Variants in ARID5B observed in about 807,000 individuals in gnomAD.
ARID5B encodes AT-rich interaction domain 5B.
ARID5B carries 13 observed loss-of-function variants against 97.2 expected under a neutral mutation model. The observed-to-expected ratio is 0.13, with a 90% CI of 0.09 to 0.21. The LOEUF is 0.21. ARID5B is among the 10% of genes least tolerant of loss of function. The probability of loss-of-function intolerance (pLI) is 1.00; values close to 1 mark genes in which losing one functional copy is unlikely to be tolerated. For synonymous variants in ARID5B, 556 were observed against 570.3 expected (o/e 0.97, Z 0.36); for missense variants, 1,210 against 1,465.3 (o/e 0.83, Z 2.84).
At chr10:62,081,073 G>T (rs1162285472) in intron 8 of ARID5B, among the ~76,000 whole-genome samples, 1 of 152,168 alleles carries the variant, frequency 6.6e-6, no homozygotes, top group Non-Finnish European at 1.5e-5. Context: ...AAAGTGCTGG[G>T]ATTACAGGCG....
chr10:62,058,196 A>G (rs1460108333), intron 6 of ARID5B, among the ~76,000 whole-genome samples: 2 of 152,234 alleles, frequency 1.3e-5, no homozygotes, highest in African/African-American at 4.8e-5. Context: ...GAATGATTAC[A>G]ATGTTTGTCT....
At chr10:62,076,456 C>G (rs1183683746) in intron 8 of ARID5B, among the ~76,000 whole-genome samples, 1 of 150,100 alleles carries the variant, frequency 6.7e-6, no homozygotes, top group East Asian at 2.0e-4. Context: ...GCACGAGAAT[C>G]ACGGGATGAA....
chr10:61,924,276 CCA>C (rs1183718673), intron 2 of ARID5B, among the ~76,000 whole-genome samples: 3 of 152,184 alleles, frequency 2.0e-5, no homozygotes, highest in Non-Finnish European at 4.4e-5. Flanking sequence ...GGCCTCCACA[CCA>C]CAGTCGTTGA....
intron 2 of ARID5B, among the ~76,000 whole-genome samples, chr10:61,912,065 T>C (rs1157869266): frequency 6.6e-6 from 1 of 152,186 alleles, no homozygotes; most frequent in South Asian, 2.1e-4. Flanking sequence ...TAAATGTATG[T>C]GAAAATCGAC....
chr10:61,920,955 T>C (rs1219386824), intron 2 of ARID5B, among the ~76,000 whole-genome samples: 1 of 152,178 alleles, frequency 6.6e-6, no homozygotes, highest in Non-Finnish European at 1.5e-5. Context: ...TTTCTATGGA[T>C]ACCCCTCCAA....
intron 8 of ARID5B, among the ~76,000 whole-genome samples, chr10:62,074,826 TAGCCCATAACA>T (rs1430329222): frequency 6.6e-6 from 1 of 152,244 alleles, no homozygotes; most frequent in Non-Finnish European, 1.5e-5. Flanking sequence ...TGTTTTCTAC[TAGCCCATAACA>T]AGCTAATAAG....
rs1840364385 is a variant in ARID5B, at chr10:62,091,134, T to G, written c.1671T>G (p.Pro557=). ...LAPEKDSALV[P]GASKQPLTSP... is the part of the protein sequence containing the mutation. Reference sequence around the variant, plus strand: ...CAGAAAAAGATTCAGCCTTGGTCCCTGGGGCCAGCAAACAGCCACTCACCT... The same window carrying G: ...CAGAAAAAGATTCAGCCTTGGTCCCGGGGGCCAGCAAACAGCCACTCACCT... Residue 557 remains proline (P), a synonymous_variant, in exon 10 of 10, where the codon CCT becomes CCG. Transcript: ENST00000279873. 6 of 1,614,158 alleles carry G rather than the reference T, an allele frequency of 3.7e-6. No individual in the cohort carries two copies. Among genetic ancestry groups the G allele is most frequent in the Non-Finnish European group, 5.1e-6 (6 of 1,180,016 alleles).
In ARID5B at chr10:62,095,686, A is replaced by G. The variant is rs1206162447; in HGVS notation, c.*2656A>G. On this transcript the variant is annotated 3_prime_UTR_variant, in exon 10 of 10. Transcript: ENST00000279873. Reference sequence around the variant, plus strand: ...AAAACTCTGAACAGAGATCTTGGAAATCTTTCAAAAAGACCATTGAATTCT... The same window carrying G: ...AAAACTCTGAACAGAGATCTTGGAAGTCTTTCAAAAAGACCATTGAATTCT... 1 of 232,804 alleles carries G rather than the reference A, an allele frequency of 4.3e-6. No individual in the cohort carries two copies. The highest frequency in any genetic ancestry group is 2.2e-5 in the African/African-American group (1 of 45,316). The allele number at this position is 232,804 out of a possible 1,614,324, so 14.4% of individuals were successfully genotyped here.
At chr10:61,905,575 G>A (rs916540735) in intron 2 of ARID5B, among the ~76,000 whole-genome samples, 1 of 151,938 alleles carries the variant, frequency 6.6e-6, no homozygotes, top group Non-Finnish European at 1.5e-5. Context: ...GTTTGTCAAA[G>A]GTCACCAGGC....
Position 62,096,619 on chromosome 10 carries a change from A to C in ARID5B, c.*3589A>C. The C allele has an allele frequency of 4.3e-6, 1 of 233,550 alleles. No homozygotes were observed. The highest frequency in any genetic ancestry group is 6.0e-5 in the East Asian group (1 of 16,538). 14.5% of individuals were successfully genotyped at this position (233,550 alleles called of 1,614,324 possible). ...ACTTTTTTAAACTTTCCTGTGTTGT[A>C]AATATTGTATACTTTTGGTGATTCC... On this transcript the variant is annotated 3_prime_UTR_variant, in exon 10 of 10. Transcript: ENST00000279873.
intron 3 of ARID5B, among the ~76,000 whole-genome samples, chr10:61,943,471 C>CA (rs879830749): frequency 0.012 from 315 of 25,504 alleles, 1 homozygote; most frequent in Non-Finnish European, 0.02. Flanking sequence ...TTATTTGAGG[C>CA]CCCCCCCCTT....
At chr10:61,909,248 GT>G (rs1322464988) in intron 2 of ARID5B, among the ~76,000 whole-genome samples, 1 of 148,972 alleles carries the variant, frequency 6.7e-6, no homozygotes, top group East Asian at 2.0e-4. Context: ...CCATAGTGCT[GT>G]TCTCAGGAGC....
chr10:62,061,529 T>C (rs1183335705), intron 7 of ARID5B, among the ~76,000 whole-genome samples: 1 of 152,202 alleles, frequency 6.6e-6, no homozygotes, highest in Non-Finnish European at 1.5e-5. Context: ...GCTAGCTCCC[T>C]GATGTTAGGC....
chr10:61,955,679 G>A (rs1402168943), intron 3 of ARID5B, among the ~76,000 whole-genome samples: 5 of 152,020 alleles, frequency 3.3e-5, no homozygotes, highest in Non-Finnish European at 7.4e-5. Context: ...GAGACAAGCT[G>A]TCACTCTGTC....
intron 4 of ARID5B, among the ~76,000 whole-genome samples, chr10:62,045,327 A>T (rs1218981616): frequency 3.9e-5 from 6 of 152,228 alleles, no homozygotes; most frequent in Non-Finnish European, 8.8e-5. Context: ...TGAAAGAGGA[A>T]GTTTCCAAAT....
rs143495290 is a variant in ARID5B at position 61,941,326 on chromosome 10, G to A, written c.502+918G>A. ...TTTTTTTTCTTCTGTTTGTATTCCC[G>A]TGTCATTCACTGATTTATTCTCCTA... is the stretch of plus-strand genomic sequence containing the variant. On this transcript the variant is annotated intron_variant, in intron 3 of 9. Coordinates refer to ENST00000279873, the MANE Select transcript of ARID5B (RefSeq NM_032199.3). Among the ~76,000 whole-genome samples, 49 of 148,292 alleles carry A rather than the reference G, an allele frequency of 3.3e-4. No individual in the cohort carries two copies. The East Asian group carries it at 6.3e-3, about 19-fold the overall frequency.
At chr10:61,990,580 G>T (rs972529293) in intron 3 of ARID5B, among the ~76,000 whole-genome samples, 17 of 152,126 alleles carry the variant, frequency 1.1e-4, no homozygotes, top group African/African-American at 4.1e-4. Flanking sequence ...ACTCTCAAAG[G>T]TCTAGGAGGG....
At chr10:61,904,999 G>A (rs1477351362) in intron 2 of ARID5B, among the ~76,000 whole-genome samples, 1 of 152,218 alleles carries the variant, frequency 6.6e-6, no homozygotes, top group Non-Finnish European at 1.5e-5. Flanking sequence ...CTGGCACCTA[G>A]AGGGGGCAAC....
At chr10:61,911,225 T>A (rs530521921) in intron 2 of ARID5B, among the ~76,000 whole-genome samples, 1 of 152,342 alleles carries the variant, frequency 6.6e-6, no homozygotes, top group South Asian at 2.1e-4. Context: ...GTCTTTTAAA[T>A]AAGCATAGGA....
Sources: allele counts gnomAD v4.1 joint callset (sites outside exome capture counted in the v4.1 genomes callset), GRCh38; gene constraint gnomAD v4.1.1; transcripts MANE v1.5; gene names NCBI Gene and HGNC (gene_info 2026-07-23, HGNC 2026-07-21).